FYB2: variants seen among roughly 807,000 people sequenced by gnomAD.
FYB2 encodes the protein FYN binding protein 2.
A neutral mutation model predicts 94.1 loss-of-function variants in FYB2; 103 were observed. That is an observed-to-expected ratio of 1.09 (90% CI 0.93 to 1.29). The LOEUF is 1.29. FYB2 is among the 50% of genes most tolerant of loss of function. The probability of loss-of-function intolerance (pLI) is 0.00; values close to 1 mark genes in which losing one functional copy is unlikely to be tolerated. For missense variants in FYB2, 896 were observed against 841.5 expected (o/e 1.06, Z -0.80); for synonymous variants, 293 against 287.9 (o/e 1.02, Z -0.18).
chr1:56,737,187 A>G, intron 14 of FYB2, 40 bp from the exon 15 acceptor site: 2 of 1,467,128 alleles, frequency 1.4e-6, no homozygotes, highest in Non-Finnish European at 1.9e-6. Context: ...ATTATTAAGC[A>G]TGGTTTATAT....
At position 56,744,054 on chromosome 1, in the gene FYB2, G is replaced by A; in HGVS notation, c.1515C>T (p.Asn505=). 6.2e-7 allele frequency: 1 copy of A among 1,612,540 alleles called. No homozygotes were observed. The highest frequency in any genetic ancestry group is 2.2e-5 in the East Asian group (1 of 44,806). ...EYSRKEVPKL[N]YSSSLASSSE... is the part of the protein sequence containing the mutation. ...TACTTGAGGCAAGTGAGCTAGAGTA[G>A]TTCAGCTTCGGTCTATGGGAGAAAA... Residue 505 remains asparagine, a synonymous_variant, in exon 11 of 20, where the codon AAC becomes AAT. Transcript: ENST00000343433.
At chr1:56,808,415 G>A (rs1646693693) in intron 1 of FYB2, among the ~76,000 whole-genome samples, 1 of 152,198 alleles carries the variant, frequency 6.6e-6, no homozygotes, top group Non-Finnish European at 1.5e-5. Context: ...ATGCTTGACA[G>A]CCTTTCTGCT....
At chr1:56,798,173 T>C (rs751643851) in intron 1 of FYB2, among the ~76,000 whole-genome samples, 1 of 152,204 alleles carries the variant, frequency 6.6e-6, no homozygotes, top group Non-Finnish European at 1.5e-5. Flanking sequence ...CTCAGCAGAA[T>C]CTTAATTTTT....
intron 1 of FYB2, among the ~76,000 whole-genome samples, chr1:56,798,392 G>A (rs1176616901): frequency 6.6e-6 from 1 of 152,210 alleles, no homozygotes; most frequent in Non-Finnish European, 1.5e-5. Context: ...ATAAAAGACA[G>A]TGGTGTCCTC....
rs1557629153 is a variant in FYB2 at position 56,767,899 on chromosome 1, C to T, written c.993G>A (p.Glu331=). ...NAEFEEPHNY[E]ATISYLRHSG... ...AGTGTCTCAGATATGAAATTGTTGCCTCGTAATTATGTGGTTCTTCAAATT... is the reference window on the plus strand; with the variant it reads ...AGTGTCTCAGATATGAAATTGTTGCTTCGTAATTATGTGGTTCTTCAAATT... The change falls in exon 5 of 20, where the codon GAG becomes GAA. Residue 331 remains glutamate, a synonymous_variant. Coordinates refer to ENST00000343433, the MANE Select transcript of FYB2 (RefSeq NM_001004303.5). The T allele has an allele frequency of 6.2e-7, 1 of 1,611,516 alleles. No individual in the cohort carries two copies.
intron 15 of FYB2, 95 bp from the exon 16 acceptor site, chr1:56,726,678 A>G (rs1371692648): frequency 3.9e-6 from 4 of 1,023,378 alleles, no homozygotes; most frequent in Non-Finnish European, 5.7e-6. Context: ...TTTACAAAAA[A>G]TTAAAAAGTC....
chr1:56,765,028 T>C (rs1174484313), intron 5 of FYB2, among the ~76,000 whole-genome samples: 1 of 152,048 alleles, frequency 6.6e-6, no homozygotes, highest in Non-Finnish European at 1.5e-5. Context: ...GCATTGGGGG[T>C]AGGTTTTCAG....
chr1:56,816,037 A>G (rs1004554968), intron 1 of FYB2, among the ~76,000 whole-genome samples: 2 of 152,238 alleles, frequency 1.3e-5, no homozygotes, highest in African/African-American at 4.8e-5. Context: ...GTCTATGGGA[A>G]GAGAATGACT....
At chr1:56,780,450 G>A (rs1201143750) in intron 4 of FYB2, among the ~76,000 whole-genome samples, 1 of 152,196 alleles carries the variant, frequency 6.6e-6, no homozygotes, top group South Asian at 2.1e-4. Context: ...TGTAGGTAAA[G>A]TGTTGTTTGA....
upstream of FYB2, among the ~76,000 whole-genome samples, chr1:56,820,207 A>G (rs1304422201): frequency 6.8e-6 from 1 of 146,400 alleles, no homozygotes; most frequent in Non-Finnish European, 1.5e-5. Flanking sequence ...CTCCAGGGGG[A>G]CAGAGTGAGA....
intron 1 of FYB2, among the ~76,000 whole-genome samples, chr1:56,810,127 A>G (rs1412426167): frequency 6.6e-6 from 1 of 152,184 alleles, no homozygotes; most frequent in Non-Finnish European, 1.5e-5. Flanking sequence ...GGTGATTTTT[A>G]GTGATGAAAT....
At chr1:56,721,334 CT>C (rs1007268536) in intron 17 of FYB2, among the ~76,000 whole-genome samples, 1 of 151,862 alleles carries the variant, frequency 6.6e-6, no homozygotes, top group Non-Finnish European at 1.5e-5. Flanking sequence ...ACTAATGTAT[CT>C]ATCTATAACT....
intron 1 of FYB2, among the ~76,000 whole-genome samples, chr1:56,803,147 T>G (rs1260268152): frequency 2.6e-5 from 4 of 152,190 alleles, no homozygotes; most frequent in Non-Finnish European, 5.9e-5. Flanking sequence ...AGAAAGGTAA[T>G]ATATTACAAA....
In FYB2 at chr1:56,751,119, C is replaced by T. The variant is rs1645187432; in HGVS notation, c.1312G>A (p.Glu438Lys). 6.2e-7 allele frequency: 1 copy of T among 1,612,878 alleles called. No homozygotes were observed. Among genetic ancestry groups the T allele is most frequent in the Non-Finnish European group, 8.5e-7 (1 of 1,179,270 alleles). The change falls in exon 9 of 20, where the codon GAG becomes AAG. Residue 438 changes from glutamate to lysine, a missense_variant. Glu to Lys is a moderately conservative substitution (Grantham distance 56). Coordinates refer to ENST00000343433, the MANE Select transcript of FYB2 (RefSeq NM_001004303.5). ...GRRNMLAGKQ[E>K]AMIDIIQTNP... ...GTCTGGATGATGTCAATCATGGCCT[C>T]TTGCTTTCCAGCCAACATGTTCCTT...
chr1:56,761,523 T>C (rs189206208), intron 5 of FYB2, among the ~76,000 whole-genome samples: 2 of 152,274 alleles, frequency 1.3e-5, no homozygotes, highest in East Asian at 3.9e-4. Context: ...TTCAAAAAAT[T>C]CTCTGGGGCC....
At position 56,789,120 on chromosome 1, in the gene FYB2, C is replaced by G; in HGVS notation, c.772G>C (p.Val258Leu). The G allele has an allele frequency of 6.3e-7, 1 of 1,585,726 alleles. No individual in the cohort carries two copies. The highest frequency in any genetic ancestry group is 8.6e-7 in the Non-Finnish European group (1 of 1,167,906). The change falls in exon 3 of 20, where the codon GTC becomes CTC. Residue 258 changes from valine (V) to leucine (L), a missense_variant. By Grantham distance (32) the Val-to-Leu change is conservative. Transcript: ENST00000343433. The part of the protein sequence containing the change: ...ASQAPEKQPD[V>L]RHHHLPKTKP... ...GTTTTGGGAAGGTGGTGATGCCTGA[C>G]ATCTGGCTGTTTTTCTGAACACAAG...
rs760762104 is a variant in FYB2 at position 56,789,091 on chromosome 1, C to T, written c.801G>A (p.Lys267=). ...DVRHHHLPKT[K]PLPSIDSLGP... ...CCAGGGAGTCGATGGAGGGCAATGG[C>T]TTTGTTTTGGGAAGGTGGTGATGCC... is the stretch of plus-strand genomic sequence containing the variant. Residue 267 remains lysine (K), a synonymous_variant, in exon 3 of 20, where the codon AAG becomes AAA. Transcript: ENST00000343433. 2.5e-6 allele frequency: 4 copies of T among 1,610,566 alleles called. No homozygotes were observed. The highest frequency in any genetic ancestry group is 3.4e-6 in the Non-Finnish European group (4 of 1,178,308).
intron 16 of FYB2, among the ~76,000 whole-genome samples, chr1:56,724,689 C>T (rs1405461315): frequency 1.3e-5 from 2 of 151,980 alleles, no homozygotes; most frequent in African/African-American, 4.8e-5. Flanking sequence ...ATTTTATAAT[C>T]TGGCCTGATC....
At chr1:56,819,674 G>A (rs1646966674), upstream of FYB2, 2 of 384,948 alleles carry the variant, frequency 5.2e-6, no homozygotes, top group Non-Finnish European at 9.8e-6. Flanking sequence ...GAAGGAATGG[G>A]GATGGCAGGC....
Sources: allele counts gnomAD v4.1 joint callset (sites outside exome capture counted in the v4.1 genomes callset), GRCh38; gene constraint gnomAD v4.1.1; transcripts MANE v1.5; gene names NCBI Gene and HGNC (gene_info 2026-07-23, HGNC 2026-07-21).